The following OR4D1 variants were observed in gnomAD, a reference collection of about 807,000 sequenced individuals.
OR4D1 encodes the protein olfactory receptor 4D1.
OR4D1 carries 10 observed loss-of-function variants against 14.2 expected under a neutral mutation model. The ratio of observed to expected loss-of-function variants is 0.71; its 90% CI spans 0.44 to 1.20. The LOEUF (loss-of-function observed/expected upper bound fraction) is 1.20. Ranked by LOEUF, OR4D1 falls within the 50% of genes most tolerant of loss-of-function variation. OR4D1 has a pLI of 0.00. For missense variants in OR4D1, 345 were observed against 376.6 expected (o/e 0.92, Z 0.70); for synonymous variants, 141 against 147.4 (o/e 0.96, Z 0.32).
intron 1 of OR4D1, 85 bp downstream of exon 1, chr17:58,148,669 T>C (rs762274754): frequency 6.6e-6 from 1 of 152,214 alleles, no homozygotes; most frequent in African/African-American, 2.4e-5. Context: ...GAAACATTGA[T>C]TTTATCTAAC....
intron 2 of OR4D1, among the ~76,000 whole-genome samples, chr17:58,150,323 T>C (rs184358376): frequency 5.3e-5 from 8 of 152,326 alleles, no homozygotes; most frequent in Admixed American, 5.2e-4. Context: ...AAGAAGTTTA[T>C]GTATGTACTA....
rs762359098 is a variant in OR4D1 at position 58,155,168 on chromosome 17, C to T, written c.15C>T (p.Asn5=). The part of the protein sequence containing the change: MEPQ[N]TTQVSMFVLL... ...GGGAAGATCCTATGGAACCACAGAA[C>T]ACCACACAGGTATCAATGTTTGTCC... The change falls in exon 4 of 4, where the codon AAC becomes AAT. Residue 5 remains asparagine (N), a synonymous_variant. Coordinates refer to ENST00000268912, the MANE Select transcript of OR4D1 (RefSeq NM_001386095.1). 2 of 1,611,626 alleles carry T rather than the reference C, an allele frequency of 1.2e-6. No homozygotes were observed. The highest frequency in any genetic ancestry group is 1.1e-5 in the South Asian group (1 of 90,904).
At position 58,155,118 on chromosome 17, in the gene OR4D1, C is replaced by T. The variant is rs778893387; in HGVS notation, c.-19-17C>T. 1 of 1,423,040 alleles carries T rather than the reference C, an allele frequency of 7.0e-7. No homozygotes were observed. The highest frequency in any genetic ancestry group is 9.7e-7 in the Non-Finnish European group (1 of 1,031,494). The allele number at this position is 1,423,040 out of a possible 1,614,324, so 88.2% of individuals were successfully genotyped here. ...ATTTTTTTTGTTTGTTTGTTTGTTT[C>T]AATGGTTTCTCTGTAGGAACGTGGG... is the stretch of plus-strand genomic sequence containing the variant. On this transcript the variant is annotated splice_polypyrimidine_tract_variant and intron_variant, in intron 3 of 3. Coordinates refer to ENST00000268912, the MANE Select transcript of OR4D1 (RefSeq NM_001386095.1).
Position 58,152,257 on chromosome 17 carries a change from G to C in OR4D1, c.-126-1600G>C, listed in dbSNP as rs182628731. Among the ~76,000 whole-genome samples the C allele has an allele frequency of 3.4e-3, 511 of 152,246 alleles. 3 individuals are homozygous for C. Among genetic ancestry groups the C allele is most frequent in the Non-Finnish European group, 5.0e-3 (341 of 68,016 alleles). ...TGACCTCAGGTGATCTGGCCGCCTC[G>C]GCCTCTCAAAATGCCGGGATTAACG... On this transcript the variant is annotated intron_variant, in intron 2 of 3. Coordinates refer to ENST00000268912, the MANE Select transcript of OR4D1 (RefSeq NM_001386095.1).
At position 58,153,956 on chromosome 17, in the gene OR4D1, G is replaced by T. The variant is rs779322887; in HGVS notation, c.-27G>T. 1.3e-5 allele frequency among the ~76,000 whole-genome samples: 2 copies of T among 152,110 alleles called. No homozygotes were observed. Among genetic ancestry groups the T allele is most frequent in the Non-Finnish European group, 1.5e-5 (1 of 68,018 alleles). The stretch of plus-strand genomic sequence containing the variant: ...CCACCTCAGCCTCCTGAATAACTGA[G>T]ACTACAGGTATGCACTACCATGCCC... On this transcript the variant is annotated 5_prime_UTR_variant, in exon 3 of 4. Transcript: ENST00000268912.
In OR4D1 at chr17:58,157,204, G is replaced by A. The variant is rs1967787937; in HGVS notation, c.*1118G>A. 1.4e-6 allele frequency: 2 copies of A among 1,462,764 alleles called. No individual in the cohort carries two copies. The highest frequency in any genetic ancestry group is 5.0e-5 in the East Asian group (2 of 40,274). The allele number at this position is 1,462,764 out of a possible 1,614,324, so 90.6% of individuals were successfully genotyped here. A position where few individuals can be genotyped will look rare whatever the true frequency, so the allele number is the denominator to read the frequency against. The stretch of plus-strand genomic sequence containing the variant: ...GAGGCATCCCCAGTGCCGGCCAAAA[G>A]CGCCTCTTCCGGGGCCACCCTGCGG... On this transcript the variant is annotated 3_prime_UTR_variant, in exon 4 of 4. Transcript: ENST00000268912.
intron 2 of OR4D1, among the ~76,000 whole-genome samples, chr17:58,152,903 C>A (rs1266904512): frequency 6.6e-6 from 1 of 152,032 alleles, no homozygotes; most frequent in Non-Finnish European, 1.5e-5. Context: ...CCACTGCAGG[C>A]CAGCCTTGGG....
intron 2 of OR4D1, among the ~76,000 whole-genome samples, chr17:58,151,206 A>G (rs1194737451): frequency 6.6e-6 from 1 of 152,212 alleles, no homozygotes; most frequent in Non-Finnish European, 1.5e-5. Context: ...GGATAATTTT[A>G]GAGATAATCC....
chr17:58,153,761 G>A (rs1967730661), intron 2 of OR4D1, among the ~76,000 whole-genome samples, 96 bp from the exon 3 acceptor site: 1 of 152,154 alleles, frequency 6.6e-6, no homozygotes, highest in Non-Finnish European at 1.5e-5. Flanking sequence ...TTAACACCAA[G>A]AACTCAGTTT....
In OR4D1 at chr17:58,155,302, CTT is replaced by C. The variant is rs926379423; in HGVS notation, c.152_153del (p.Phe51Ter). On this transcript the variant is annotated frameshift_variant, in exon 4 of 4. Transcript: ENST00000268912. LOFTEE classifies it high-confidence loss of function. Reference sequence around the variant, plus strand: ...AACCTCCTTATCATGGTCACAGTGACTTTTGACTGCCGGCTCCACACACCCAT... The same window carrying C: ...AACCTCCTTATCATGGTCACAGTGACTTGACTGCCGGCTCCACACACCCAT... 2.5e-6 allele frequency: 4 copies of C among 1,613,968 alleles called. No individual in the cohort carries two copies. The highest frequency in any genetic ancestry group is 1.7e-5 in the Admixed American group (1 of 60,008).
chr17:58,157,354 C>G lies in OR4D1; in HGVS notation c.*1268C>G. 1 of 1,423,068 alleles carries G rather than the reference C, an allele frequency of 7.0e-7. No individual in the cohort carries two copies. The highest frequency in any genetic ancestry group is 1.3e-5 in the South Asian group (1 of 77,130). 88.2% of individuals were successfully genotyped at this position (1,423,068 alleles called of 1,614,324 possible). A position where few individuals can be genotyped will look rare whatever the true frequency, so the allele number is the denominator to read the frequency against. On this transcript the variant is annotated 3_prime_UTR_variant, in exon 4 of 4. Transcript: ENST00000268912. Reference sequence around the variant, plus strand: ...AGACGGAGCGGCGTGGATGCAGGAACCCTGCTGATAATTCGCCGCCGCCAA... The same window carrying G: ...AGACGGAGCGGCGTGGATGCAGGAAGCCTGCTGATAATTCGCCGCCGCCAA...
chr17:58,150,514 A>G (rs1232949433), intron 2 of OR4D1, among the ~76,000 whole-genome samples: 1 of 152,226 alleles, frequency 6.6e-6, no homozygotes, highest in East Asian at 1.9e-4. Context: ...AGGGGATAAC[A>G]GACAGAAATA....
At chr17:58,154,954 G>A (rs8071251) in intron 3 of OR4D1, among the ~76,000 whole-genome samples, 181 bp from the exon 4 acceptor site, 58,864 of 152,096 alleles carry the variant, frequency 0.39, 13,370 homozygotes, top group African/African-American at 0.64. Flanking sequence ...GGTCAGGGAA[G>A]TAAGTCTCTG....
At position 58,155,820 on chromosome 17, in the gene OR4D1, G is replaced by T; in HGVS notation, c.667G>T (p.Val223Leu). 6.2e-7 allele frequency: 1 copy of T among 1,614,074 alleles called. No homozygotes were observed. Among genetic ancestry groups the T allele is most frequent in the Non-Finnish European group, 8.5e-7 (1 of 1,180,024 alleles). ...TCTGATCTCTTATACTGTCATCCTG[G>T]TGATGCTGAGGTCCCACTCGGGAAA... is the stretch of plus-strand genomic sequence containing the variant. ...LLLISYTVIL[V>L]MLRSHSGKAR... Residue 223 changes from valine (V) to leucine (L), a missense_variant, in exon 4 of 4, where the codon GTG (valine) becomes TTG (leucine). Coordinates refer to ENST00000268912, the MANE Select transcript of OR4D1 (RefSeq NM_001386095.1).
Position 58,157,021 on chromosome 17 carries a change from G to A in OR4D1, c.*935G>A. ...GAGCTACGTAGGGCAGGGAAGGCAT[G>A]GCTTCTGTTTTCGTCCAATGAGAAG... On this transcript the variant is annotated 3_prime_UTR_variant, in exon 4 of 4. Transcript: ENST00000268912. The A allele has an allele frequency of 1.0e-6, 1 of 954,784 alleles. No homozygotes were observed. The highest frequency in any genetic ancestry group is 1.6e-6 in the Non-Finnish European group (1 of 622,654). The allele number at this position is 954,784 out of a possible 1,614,324, so 59.1% of individuals were successfully genotyped here. A position where few individuals can be genotyped will look rare whatever the true frequency, so the allele number is the denominator to read the frequency against.
chr17:58,150,312 G>T (rs968842779), intron 2 of OR4D1, among the ~76,000 whole-genome samples: 3 of 152,198 alleles, frequency 2.0e-5, no homozygotes, highest in African/African-American at 7.2e-5. Context: ...AGATGTTGTT[G>T]AAGAAGTTTA....
Position 58,158,022 on chromosome 17 carries a change from C to A in OR4D1, c.*1936C>A. The A allele has an allele frequency of 2.6e-6, 1 of 379,594 alleles. No individual in the cohort carries two copies. The allele number at this position is 379,594 out of a possible 1,614,324, so 23.5% of individuals were successfully genotyped here. ...CTTGGTGTAATCTTCCAGGTGCCCCCTTCTCCTTTCACAAAGATTGGCTCT... is the reference window on the plus strand; with the variant it reads ...CTTGGTGTAATCTTCCAGGTGCCCCATTCTCCTTTCACAAAGATTGGCTCT... On this transcript the variant is annotated 3_prime_UTR_variant, in exon 4 of 4. Coordinates refer to ENST00000268912, the MANE Select transcript of OR4D1 (RefSeq NM_001386095.1).
At position 58,157,396 on chromosome 17, in the gene OR4D1, C is replaced by A; in HGVS notation, c.*1310C>A. ...CGCCGCCAAGACACGTGAGCCCTAC[C>A]ACCTGCACCCTGAGAAAACACAAGA... On this transcript the variant is annotated 3_prime_UTR_variant, in exon 4 of 4. Transcript: ENST00000268912. 8.3e-7 allele frequency: 1 copy of A among 1,200,878 alleles called. No individual in the cohort carries two copies. 74.4% of individuals were successfully genotyped at this position (1,200,878 alleles called of 1,614,324 possible). A position where few individuals can be genotyped will look rare whatever the true frequency, so the allele number is the denominator to read the frequency against.
At chr17:58,148,810 C>A (rs1425551308) in intron 1 of OR4D1, among the ~76,000 whole-genome samples, 2 of 152,124 alleles carry the variant, frequency 1.3e-5, no homozygotes, top group Non-Finnish European at 2.9e-5. Context: ...CTTCTTCCCA[C>A]ACCTAGGAGA....
Sources: allele counts gnomAD v4.1 joint callset (sites outside exome capture counted in the v4.1 genomes callset), GRCh38; gene constraint gnomAD v4.1.1; transcripts MANE v1.5; gene names NCBI Gene and HGNC (gene_info 2026-07-23, HGNC 2026-07-21).